The following TRPM3 variants were observed in gnomAD, a reference collection of about 807,000 sequenced individuals.
The protein encoded by TRPM3 is long transient receptor potential channel 3.
Under a neutral mutation model 181.2 loss-of-function variants are expected in TRPM3, and 77 were observed. That is an observed-to-expected ratio of 0.42 (90% CI 0.35 to 0.51). The LOEUF is 0.51. TRPM3 is among the 20% of genes least tolerant of loss of function. TRPM3 has a pLI of 0.01. For missense variants in TRPM3, 1,759 were observed against 2,196.7 expected (o/e 0.80, Z 3.98); for synonymous variants, 745 against 796.4 (o/e 0.94, Z 1.09).
intron 1 of TRPM3, among the ~76,000 whole-genome samples, chr9:71,384,539 CT>C (rs962875425): frequency 6.6e-6 from 1 of 152,184 alleles, no homozygotes; most frequent in Non-Finnish European, 1.5e-5. Context: ...ATGGTGTAAC[CT>C]ATACATCTTT....
chr9:70,912,344 A>G (rs1221735018), intron 1 of TRPM3, among the ~76,000 whole-genome samples: 1 of 152,220 alleles, frequency 6.6e-6, no homozygotes, highest in African/African-American at 2.4e-5. Context: ...AAATTGCAGA[A>G]CAAAACAGCC....
intron 1 of TRPM3, among the ~76,000 whole-genome samples, chr9:71,348,723 C>A (rs1481377041): frequency 6.6e-6 from 1 of 151,810 alleles, no homozygotes; most frequent in African/African-American, 2.4e-5. Flanking sequence ...CCCTACCAAG[C>A]CAGGCTAATT....
chr9:71,224,785 A>G (rs1053056762), intron 1 of TRPM3, among the ~76,000 whole-genome samples: 2 of 149,738 alleles, frequency 1.3e-5, no homozygotes, highest in Non-Finnish European at 3.0e-5. Context: ...TCTCTAAAAG[A>G]AAAAAAAAAG....
intron 1 of TRPM3, among the ~76,000 whole-genome samples, chr9:71,196,141 G>A (rs530178056): frequency 3.4e-5 from 5 of 144,990 alleles, no homozygotes; most frequent in Non-Finnish European, 6.0e-5. Flanking sequence ...ATGTACATAC[G>A]CATATATATA....
At chr9:70,746,267 C>CAGAG (rs61445272) in intron 8 of TRPM3, among the ~76,000 whole-genome samples, 5 of 149,304 alleles carry the variant, frequency 3.3e-5, no homozygotes, top group African/African-American at 9.8e-5. Flanking sequence ...AAAACAAAAA[C>CAGAG]AGAGAGAGAG....
chr9:70,770,069 G>C (rs2079922866), intron 7 of TRPM3, among the ~76,000 whole-genome samples: 1 of 151,870 alleles, frequency 6.6e-6, no homozygotes, highest in Non-Finnish European at 1.5e-5. Flanking sequence ...AATATTATTG[G>C]TCTCTATCTT....
At chr9:70,681,097 G>A (rs2065314451) in intron 9 of TRPM3, among the ~76,000 whole-genome samples, 1 of 151,668 alleles carries the variant, frequency 6.6e-6, no homozygotes, top group Admixed American at 6.6e-5. Context: ...ACTATTGTGT[G>A]TGTTAAGGTA....
intron 1 of TRPM3, among the ~76,000 whole-genome samples, chr9:71,361,524 G>A (rs565581494): frequency 6.6e-5 from 10 of 152,284 alleles, no homozygotes; most frequent in East Asian, 5.8e-4. Context: ...TGATTAGAAC[G>A]TAGTAACTAC....
intron 1 of TRPM3, among the ~76,000 whole-genome samples, chr9:70,924,599 A>C (rs2096701009): frequency 6.6e-6 from 1 of 152,186 alleles, no homozygotes; most frequent in South Asian, 2.1e-4. Context: ...AATGTTTTTA[A>C]AGCTCTTCGT....
chr9:70,941,831 A>T (rs1270076633), intron 1 of TRPM3, among the ~76,000 whole-genome samples: 1 of 151,768 alleles, frequency 6.6e-6, no homozygotes, highest in Non-Finnish European at 1.5e-5. Context: ...AACTTATTGG[A>T]CTCTTTGGAT....
chr9:71,430,702 C>CT, intron 1 of TRPM3, among the ~76,000 whole-genome samples: 1 of 151,936 alleles, frequency 6.6e-6, no homozygotes, highest in Middle Eastern at 3.2e-3. Flanking sequence ...ATCCCAGCTG[C>CT]TGGGAGGCTG....
intron 22 of TRPM3, among the ~76,000 whole-genome samples, chr9:70,589,761 C>A (rs908299321): frequency 2.8e-4 from 42 of 152,272 alleles, no homozygotes; most frequent in African/African-American, 9.1e-4. Flanking sequence ...GTCTTGATTG[C>A]CTTAGATAAC....
At chr9:70,861,290 G>A (rs1196594935) in intron 3 of TRPM3, among the ~76,000 whole-genome samples, 1 of 152,110 alleles carries the variant, frequency 6.6e-6, no homozygotes, top group Non-Finnish European at 1.5e-5. Flanking sequence ...AAAGACAGAT[G>A]AGTGCACATT....
At chr9:71,406,837 G>A (rs1470149426) in intron 1 of TRPM3, among the ~76,000 whole-genome samples, 1 of 152,108 alleles carries the variant, frequency 6.6e-6, no homozygotes, top group Non-Finnish European at 1.5e-5. Flanking sequence ...ACAGGAAAAG[G>A]ATCTGCAACC....
intron 1 of TRPM3, among the ~76,000 whole-genome samples, chr9:70,875,285 T>G (rs2095851331): frequency 6.6e-6 from 1 of 151,968 alleles, no homozygotes. Flanking sequence ...AGCTTTATTG[T>G]TAGTCCCTCA....
At chr9:71,163,799 G>A (rs10780991) in intron 1 of TRPM3, among the ~76,000 whole-genome samples, 44,223 of 152,028 alleles carry the variant, frequency 0.29, 7,173 homozygotes, top group Middle Eastern at 0.47. Flanking sequence ...AGAAATAGCA[G>A]AAAGGCCACA....
intron 7 of TRPM3, among the ~76,000 whole-genome samples, chr9:70,763,678 TTAGTGCCACACAC>T (rs1210385826): frequency 6.6e-5 from 10 of 152,182 alleles, no homozygotes; most frequent in Admixed American, 2.6e-4. Context: ...GAATGTCTAC[TTAGTGCCACACAC>T]TAGGATGTGC....
intron 1 of TRPM3, among the ~76,000 whole-genome samples, chr9:71,288,541 A>G (rs1268186301): frequency 6.6e-6 from 1 of 152,132 alleles, no homozygotes; most frequent in Non-Finnish European, 1.5e-5. Flanking sequence ...CAAAAACCAC[A>G]CAAACACACA....
chr9:70,871,018 C>A (rs1187675600), intron 1 of TRPM3, among the ~76,000 whole-genome samples: 1 of 151,126 alleles, frequency 6.6e-6, no homozygotes, highest in African/African-American at 2.4e-5. Context: ...CAGGAAGAGA[C>A]AAAGCAAGGA....
Sources: gnomAD v4.1 joint callset for allele counts (sites outside exome capture counted in the v4.1 genomes callset) on GRCh38, gnomAD v4.1.1 for gene constraint, MANE v1.5 for transcripts, NCBI Gene and HGNC (gene_info 2026-07-23, HGNC 2026-07-21) for gene names.